Variants in RPTOR observed in about 807,000 individuals in gnomAD.
RPTOR encodes the protein regulatory-associated protein of mTOR.
A neutral mutation model predicts 169.9 loss-of-function variants in RPTOR; 21 were observed. The observed-to-expected ratio is 0.12, with a 90% CI of 0.09 to 0.18. The LOEUF (loss-of-function observed/expected upper bound fraction) is 0.18. Among genes scored for constraint, RPTOR ranks in the 10% least tolerant of loss-of-function variants. The pLI is 1.00. For synonymous variants in RPTOR, 732 were observed against 753.2 expected (o/e 0.97, Z 0.46); for missense variants, 1,133 against 1,855.9 (o/e 0.61, Z 7.16).
At chr17:80,717,177 C>T (rs539407099) in intron 4 of RPTOR, among the ~76,000 whole-genome samples, 2 of 152,108 alleles carry the variant, frequency 1.3e-5, no homozygotes, top group Non-Finnish European at 2.9e-5. Context: ...CATCTGATCA[C>T]CAGATGTGGC....
At chr17:80,729,321 G>A (rs1416415613) in intron 4 of RPTOR, among the ~76,000 whole-genome samples, 2 of 152,126 alleles carry the variant, frequency 1.3e-5, no homozygotes, top group Non-Finnish European at 2.9e-5. Context: ...CCAATTTCTG[G>A]GAATTTGATT....
chr17:80,804,878 AC>A (rs2067202344), intron 7 of RPTOR: 1 of 152,236 alleles, frequency 6.6e-6, no homozygotes, highest in African/African-American at 2.4e-5. Context: ...TGTGGACCTG[AC>A]AAAATGAGGG....
chr17:80,712,089 A>G (rs567896124), intron 4 of RPTOR, among the ~76,000 whole-genome samples: 2 of 151,992 alleles, frequency 1.3e-5, no homozygotes, highest in Non-Finnish European at 2.9e-5. Flanking sequence ...GAGCAGTTTT[A>G]ATTTTACAGA....
intron 25 of RPTOR, among the ~76,000 whole-genome samples, chr17:80,940,948 G>A (rs6420480): frequency 0.9 from 136,148 of 152,094 alleles, 61,143 homozygotes; most frequent in African/African-American, 0.95. Flanking sequence ...AACTCATGGA[G>A]GCGGAACTTT....
chr17:80,784,934 C>G (rs2066977374), intron 6 of RPTOR, among the ~76,000 whole-genome samples: 2 of 152,150 alleles, frequency 1.3e-5, no homozygotes, highest in African/African-American at 4.8e-5. Context: ...CCATGTTGGT[C>G]AGGCTGGTCT....
In RPTOR at chr17:80,844,002, C is replaced by T. The variant is rs1162193635; in HGVS notation, c.1213-2471C>T. On this transcript the variant is annotated intron_variant, in intron 10 of 33. Transcript: ENST00000306801. The surrounding 1 kb of genome is among the most constrained non-coding windows in gnomAD (Gnocchi z 4.7). Reference sequence around the variant, plus strand: ...AACCCAGACGCTCAGCCCAGCAGGACCTGTGAGCTCTCTGTCTCGCTGAAT... The same window carrying T: ...AACCCAGACGCTCAGCCCAGCAGGATCTGTGAGCTCTCTGTCTCGCTGAAT... 6.6e-6 allele frequency among the ~76,000 whole-genome samples: 1 copy of T among 152,172 alleles called. No individual in the cohort carries two copies. The highest frequency in any genetic ancestry group is 6.5e-5 in the Admixed American group (1 of 15,282).
At position 80,945,791 on chromosome 17, in the gene RPTOR, G is replaced by A. The variant is rs779889119; in HGVS notation, c.3140+10G>A. On this transcript the variant is annotated intron_variant, in intron 26 of 33. Transcript: ENST00000306801. Reference sequence around the variant, plus strand: ...ACAAGGACAGCATCTGGTATGCACCGCGCTGGTCAGGCCTCCCTTCCGGCT... The same window carrying A: ...ACAAGGACAGCATCTGGTATGCACCACGCTGGTCAGGCCTCCCTTCCGGCT... 9.3e-5 allele frequency: 144 copies of A among 1,545,814 alleles called. No individual in the cohort carries two copies. In the Admixed American group the frequency reaches 2.3e-3, roughly 25 times the overall value.
intron 3 of RPTOR, among the ~76,000 whole-genome samples, chr17:80,704,576 T>C (rs1463834330): frequency 6.6e-6 from 1 of 152,262 alleles, no homozygotes; most frequent in Non-Finnish European, 1.5e-5. Context: ...GATATTATGT[T>C]GACAGTGACT....
intron 13 of RPTOR, among the ~76,000 whole-genome samples, chr17:80,866,718 G>A (rs1417531025): frequency 6.6e-6 from 1 of 152,098 alleles, no homozygotes; most frequent in East Asian, 1.9e-4. Flanking sequence ...CACTCACTGA[G>A]GAAGACATCA....
chr17:80,849,523 G>A (rs1474610927), intron 11 of RPTOR, among the ~76,000 whole-genome samples: 3 of 152,124 alleles, frequency 2.0e-5, no homozygotes, highest in Non-Finnish European at 2.9e-5. Context: ...CTTGATTGAT[G>A]GTGTCTATTT....
At position 80,884,063 on chromosome 17, in the gene RPTOR, C is replaced by T. The variant is rs1163420840; in HGVS notation, c.1842+91C>T. The stretch of plus-strand genomic sequence containing the variant: ...CTGCTCGCGTGCGGGTGTGGCCGGC[C>T]ACGTGTCCAGGAACTTCAGGGGCTG... On this transcript the variant is annotated intron_variant, in intron 16 of 33. Transcript: ENST00000306801. 1.9e-5 allele frequency: 26 copies of T among 1,339,292 alleles called. No homozygotes were observed. The Admixed American group carries it at 4.9e-4, about 25-fold the overall frequency. The allele number at this position is 1,339,292 out of a possible 1,614,324, so 83.0% of individuals were successfully genotyped here.
intron 3 of RPTOR, among the ~76,000 whole-genome samples, chr17:80,699,509 A>G (rs1210766230): frequency 2.7e-4 from 28 of 102,870 alleles, no homozygotes; most frequent in East Asian, 5.7e-4. Context: ...TGTGCACGGT[A>G]CCCTGGTGCA....
At chr17:80,938,214 T>A (rs1163359509) in intron 24 of RPTOR, among the ~76,000 whole-genome samples, 2 of 152,198 alleles carry the variant, frequency 1.3e-5, no homozygotes, top group Admixed American at 1.3e-4. Flanking sequence ...CTCTCAACCT[T>A]GCAGTCGTCT....
chr17:80,907,340 G>A (rs1314244364), intron 20 of RPTOR, among the ~76,000 whole-genome samples: 1 of 152,242 alleles, frequency 6.6e-6, no homozygotes, highest in Non-Finnish European at 1.5e-5. Flanking sequence ...CAGCACTGAG[G>A]GCAGGGCCCT....
intron 1 of RPTOR, among the ~76,000 whole-genome samples, chr17:80,548,997 C>T (rs531130914): frequency 6.6e-6 from 1 of 152,334 alleles, no homozygotes; most frequent in East Asian, 1.9e-4. Flanking sequence ...CTCAAATTGA[C>T]ATCTTTACCA....
At chr17:80,801,935 G>C (rs1170349350) in intron 7 of RPTOR, 1 of 152,228 alleles carries the variant, frequency 6.6e-6, no homozygotes, top group Non-Finnish European at 1.5e-5. Context: ...TGCTGCACGG[G>C]GGTCCTTATG....
intron 3 of RPTOR, among the ~76,000 whole-genome samples, chr17:80,665,441 T>C (rs1567846399): frequency 5.0e-5 from 1 of 20,028 alleles, no homozygotes; most frequent in African/African-American, 5.1e-4. Context: ...TCCTTTCCTT[T>C]CCTTTCCTTT....
At chr17:80,656,894 G>A (rs140947238) in intron 3 of RPTOR, among the ~76,000 whole-genome samples, 4 of 152,332 alleles carry the variant, frequency 2.6e-5, no homozygotes, top group Admixed American at 1.3e-4. Flanking sequence ...GCAGGGAGCC[G>A]CGGGGACACT....
intron 4 of RPTOR, among the ~76,000 whole-genome samples, chr17:80,717,529 A>T (rs2066249609): frequency 6.6e-6 from 1 of 152,052 alleles, no homozygotes; most frequent in Non-Finnish European, 1.5e-5. Flanking sequence ...GTGGCATGCC[A>T]CCGGAGACAG....
Sources: gnomAD v4.1 joint callset for allele counts (sites outside exome capture counted in the v4.1 genomes callset) on GRCh38, gnomAD v4.1.1 for gene constraint, Gnocchi (gnomAD v3.1) non-coding constraint, MANE v1.5 for transcripts, NCBI Gene and HGNC (gene_info 2026-07-23, HGNC 2026-07-21) for gene names.